The following USH2A variants were observed in gnomAD, a reference collection of about 807,000 sequenced individuals.
USH2A encodes the protein Usher syndrome 2A (autosomal recessive, mild).
USH2A carries 443 observed loss-of-function variants against 538.9 expected under a neutral mutation model. The observed-to-expected ratio is 0.82, with a 90% CI of 0.76 to 0.89. USH2A has a LOEUF of 0.89. Ranked by LOEUF, USH2A falls within the 40% of genes least tolerant of loss-of-function variation. The pLI is 0.00. For missense variants in USH2A, 6,633 were observed against 6,324.8 expected (o/e 1.05, Z -1.65); for synonymous variants, 2,413 against 2,273.5 (o/e 1.06, Z -1.75).
chr1:215,813,665 A>G, intron 49 of USH2A, 71 bp downstream of exon 49: 3 of 1,597,326 alleles, frequency 1.9e-6, no homozygotes, highest in Non-Finnish European at 2.6e-6. Context: ...GAAATAGTTC[A>G]CTGACATGAA....
intron 52 of USH2A, among the ~76,000 whole-genome samples, chr1:215,784,814 C>T (rs539450421): frequency 6.6e-6 from 1 of 152,104 alleles, no homozygotes; most frequent in Non-Finnish European, 1.5e-5. Flanking sequence ...ATTTTAAAAG[C>T]CCTCATAACA....
chr1:215,697,588 C>G (rs533010375), intron 61 of USH2A, among the ~76,000 whole-genome samples: 6 of 152,214 alleles, frequency 3.9e-5, no homozygotes, highest in African/African-American at 9.6e-5. Flanking sequence ...ATGGCACGAT[C>G]TCGGCTCACT....
intron 62 of USH2A, among the ~76,000 whole-genome samples, chr1:215,676,707 C>T (rs1658039857): frequency 1.3e-5 from 2 of 152,174 alleles, no homozygotes; most frequent in African/African-American, 2.4e-5. Context: ...CAAGACCACC[C>T]CCATGTGGGA....
At chr1:216,203,660 T>C (rs931271517) in intron 16 of USH2A, among the ~76,000 whole-genome samples, 2 of 152,198 alleles carry the variant, frequency 1.3e-5, no homozygotes, top group Non-Finnish European at 2.9e-5. Flanking sequence ...CTGAATCATC[T>C]TACCACTTGT....
chr1:215,807,018 C>T (rs1406186448), intron 49 of USH2A, among the ~76,000 whole-genome samples: 2 of 152,066 alleles, frequency 1.3e-5, no homozygotes. Context: ...AAGATGTCCA[C>T]ATCCTAATCC....
intron 13 of USH2A, among the ~76,000 whole-genome samples, chr1:216,232,586 G>A (rs762716480): frequency 6.6e-5 from 10 of 152,076 alleles, no homozygotes; most frequent in Non-Finnish European, 1.5e-4. Context: ...CATTTGCTCA[G>A]ACTAAAAAAA....
intron 47 of USH2A, among the ~76,000 whole-genome samples, chr1:215,819,532 C>T (rs976748262): frequency 9.9e-5 from 15 of 151,794 alleles, no homozygotes; most frequent in African/African-American, 3.6e-4. Flanking sequence ...CTTGTACAGC[C>T]ACAGCTATTA....
At chr1:216,313,186 C>T (rs2037451641) in intron 9 of USH2A, among the ~76,000 whole-genome samples, 1 of 152,122 alleles carries the variant, frequency 6.6e-6, no homozygotes, top group South Asian at 2.1e-4. Flanking sequence ...CCTATGACAA[C>T]TTCATGTCAC....
At chr1:215,726,955 A>C (rs1558071517) in intron 61 of USH2A, among the ~76,000 whole-genome samples, 1 of 152,152 alleles carries the variant, frequency 6.6e-6, no homozygotes, top group East Asian at 1.9e-4. Flanking sequence ...CATCTCTGCA[A>C]TATTATAAAA....
At chr1:216,318,840 C>A (rs2037554401) in intron 9 of USH2A, among the ~76,000 whole-genome samples, 1 of 152,180 alleles carries the variant, frequency 6.6e-6, no homozygotes, top group Non-Finnish European at 1.5e-5. Context: ...AAAATCCCAA[C>A]TTGTCTTCTG....
rs1011228005 is a variant in USH2A at position 215,881,285 on chromosome 1, C to T, written c.8224-2187G>A. Among the ~76,000 whole-genome samples, 49 of 152,252 alleles carry T rather than the reference C, an allele frequency of 3.2e-4. 1 individual carries two copies. The highest frequency in any genetic ancestry group is 1.1e-3 in the African/African-American group (46 of 41,548). On this transcript the variant is annotated intron_variant, in intron 41 of 71. Transcript: ENST00000307340. Reference sequence around the variant, plus strand: ...CCCCCTGAGTGGCTAGGAGTATACGCGTGTGCTACCACACCCGGCTAATTT... The same window carrying T: ...CCCCCTGAGTGGCTAGGAGTATACGTGTGTGCTACCACACCCGGCTAATTT...
chr1:216,091,980 C>T (rs931843122), intron 22 of USH2A, among the ~76,000 whole-genome samples: 2 of 152,012 alleles, frequency 1.3e-5, no homozygotes, highest in Admixed American at 6.6e-5. Context: ...TTGCTTGAGG[C>T]CAGGAGTTCG....
At chr1:215,992,139 A>T (rs865804571) in intron 35 of USH2A, among the ~76,000 whole-genome samples, 5 of 152,292 alleles carry the variant, frequency 3.3e-5, no homozygotes, top group African/African-American at 1.2e-4. Flanking sequence ...ATAAAACTGT[A>T]ACTTTTTTCT....
At position 215,979,131 on chromosome 1, in the gene USH2A, G is replaced by C. The variant is rs116923049; in HGVS notation, c.6806-8355C>G. ...GAGCAAAGGGATGTTTTACATGGCA[G>C]CAGGTAAGACAGCTTTTGCAGGGAA... On this transcript the variant is annotated intron_variant, in intron 35 of 71. Transcript: ENST00000307340. 8.5e-5 allele frequency among the ~76,000 whole-genome samples: 13 copies of C among 152,292 alleles called. No homozygotes were observed. The East Asian group carries it at 2.5e-3, about 29-fold the overall frequency.
At chr1:216,008,589 T>C (rs1668466213) in intron 32 of USH2A, among the ~76,000 whole-genome samples, 1 of 152,140 alleles carries the variant, frequency 6.6e-6, no homozygotes, top group African/African-American at 2.4e-5. Flanking sequence ...GGGACCTCCC[T>C]TGGGAGATCA....
chr1:216,053,920 C>T (rs2030883509), intron 30 of USH2A, among the ~76,000 whole-genome samples: 1 of 152,136 alleles, frequency 6.6e-6, no homozygotes, highest in Non-Finnish European at 1.5e-5. Context: ...GGGAAGGAAA[C>T]TCATCACCGT....
intron 52 of USH2A, among the ~76,000 whole-genome samples, chr1:215,785,213 A>G (rs558003450): frequency 6.6e-6 from 1 of 152,330 alleles, no homozygotes; most frequent in East Asian, 1.9e-4. Flanking sequence ...TGAGAGAGCT[A>G]GTGAGCTTTG....
In USH2A at chr1:215,846,052, G is replaced by C. The variant is rs1204271789; in HGVS notation, c.8846-19C>G. On this transcript the variant is annotated intron_variant, in intron 44 of 71. Coordinates refer to ENST00000307340, the MANE Select transcript of USH2A (RefSeq NM_206933.4). ...TGAACAGCTGTCAACAATAAATGCA[G>C]GACATGGTGAATGTAGCTGAGGCTT... 6.2e-7 allele frequency: 1 copy of C among 1,611,158 alleles called. No individual in the cohort carries two copies. The highest frequency in any genetic ancestry group is 1.7e-5 in the Admixed American group (1 of 59,820).
chr1:215,940,143 A>C (rs1034078725), intron 37 of USH2A, among the ~76,000 whole-genome samples: 12 of 152,130 alleles, frequency 7.9e-5, no homozygotes, highest in Non-Finnish European at 4.4e-5. Context: ...TCCTGCTTTA[A>C]GTTAGTCTTT....
Sources: gnomAD v4.1 joint callset for allele counts (sites outside exome capture counted in the v4.1 genomes callset) on GRCh38, gnomAD v4.1.1 for gene constraint, MANE v1.5 for transcripts, NCBI Gene and HGNC (gene_info 2026-07-23, HGNC 2026-07-21) for gene names.